BBS9: variants seen among roughly 807,000 people sequenced by gnomAD.
The protein encoded by BBS9 is protein PTHB1.
Under a neutral mutation model 117.7 loss-of-function variants are expected in BBS9, and 89 were observed. The observed-to-expected ratio is 0.76, with a 90% CI of 0.64 to 0.90. BBS9 has a LOEUF of 0.90. BBS9 is among the 40% of genes least tolerant of loss of function. The pLI is 0.00. For synonymous variants in BBS9, 379 were observed against 370.9 expected (o/e 1.02, Z -0.25); for missense variants, 982 against 1,042.2 (o/e 0.94, Z 0.80).
At chr7:33,463,616 C>T (rs1290442027) in intron 19 of BBS9, among the ~76,000 whole-genome samples, 2 of 152,048 alleles carry the variant, frequency 1.3e-5, no homozygotes, top group Non-Finnish European at 2.9e-5. Flanking sequence ...TCAGATTCCT[C>T]TACACTGGAA....
intron 19 of BBS9, among the ~76,000 whole-genome samples, chr7:33,391,344 T>C (rs970843585): frequency 3.9e-5 from 6 of 152,152 alleles, no homozygotes; most frequent in Admixed American, 6.5e-5. Flanking sequence ...GCTACCTGTT[T>C]AGCGTTTTTT....
intron 21 of BBS9, among the ~76,000 whole-genome samples, chr7:33,535,085 T>A (rs1440936875): frequency 6.6e-6 from 1 of 152,182 alleles, no homozygotes; most frequent in Non-Finnish European, 1.5e-5. Flanking sequence ...CAAGTGAAAT[T>A]GTAAAAGATA....
intron 10 of BBS9, 25 bp from the exon 11 acceptor site, chr7:33,340,872 T>A: frequency 6.3e-7 from 1 of 1,597,668 alleles, no homozygotes; most frequent in Non-Finnish European, 8.6e-7. Flanking sequence ...TATGATTAAA[T>A]AATTTTTCTT....
rs539494535 is a variant in BBS9 at position 33,407,851 on chromosome 7, T to A, written c.2115+19707T>A. On this transcript the variant is annotated intron_variant, in intron 19 of 22. Transcript: ENST00000242067. ...AGGTGTCAGTCTGCCCCTACTGGGC[T>A]GTGCCTCCCAGTTAGGCTGCTCGTG... 2.6e-5 allele frequency among the ~76,000 whole-genome samples: 4 copies of A among 152,354 alleles called. No individual in the cohort carries two copies. In the South Asian group the frequency reaches 8.3e-4, roughly 32 times the overall value.
intron 19 of BBS9, among the ~76,000 whole-genome samples, chr7:33,405,877 CT>C (rs1162139077): frequency 1.3e-5 from 2 of 151,950 alleles, no homozygotes; most frequent in Non-Finnish European, 2.9e-5. Flanking sequence ...TATTTCTTGC[CT>C]TCTGCTAGCT....
At chr7:33,130,602 A>G (rs1789441303) in intron 1 of BBS9, among the ~76,000 whole-genome samples, 1 of 152,198 alleles carries the variant, frequency 6.6e-6, no homozygotes, top group African/African-American at 2.4e-5. Context: ...TCATTGATAA[A>G]CAACTTGAAA....
At chr7:33,354,551 T>C (rs1271147266) in intron 15 of BBS9, among the ~76,000 whole-genome samples, 2 of 152,120 alleles carry the variant, frequency 1.3e-5, no homozygotes, top group Non-Finnish European at 2.9e-5. Flanking sequence ...GGTTCCTTGT[T>C]TTCAATATGA....
chr7:33,537,134 A>C (rs1585171062), intron 21 of BBS9, among the ~76,000 whole-genome samples: 2 of 152,196 alleles, frequency 1.3e-5, no homozygotes, highest in Non-Finnish European at 2.9e-5. Context: ...GGTGAAGTGA[A>C]TAAGTGTTCA....
chr7:33,611,857 A>G (rs1425113487), intron 21 of BBS9, among the ~76,000 whole-genome samples: 2 of 143,118 alleles, frequency 1.4e-5, no homozygotes, highest in African/African-American at 2.6e-5. Flanking sequence ...ATAATAATAT[A>G]TAAAGGAATA....
intron 1 of BBS9, among the ~76,000 whole-genome samples, chr7:33,142,078 C>T (rs982276296): frequency 7.9e-5 from 12 of 151,942 alleles, no homozygotes; most frequent in Non-Finnish European, 1.6e-4. Context: ...TGGGACTACC[C>T]GCCCGGCTAA....
At chr7:33,327,850 T>A (rs1443300570) in intron 9 of BBS9, among the ~76,000 whole-genome samples, 1 of 151,588 alleles carries the variant, frequency 6.6e-6, no homozygotes, top group Non-Finnish European at 1.5e-5. Flanking sequence ...GGAGGGGGAG[T>A]CAAGGATGGC....
chr7:33,360,762 T>C (rs1309581279), intron 16 of BBS9, among the ~76,000 whole-genome samples: 5 of 152,066 alleles, frequency 3.3e-5, no homozygotes, highest in Admixed American at 2.6e-4. Flanking sequence ...TAGGCTCAAG[T>C]GGTCTTCCCA....
chr7:33,486,069 G>A (rs1032316076), intron 19 of BBS9, among the ~76,000 whole-genome samples: 3 of 152,252 alleles, frequency 2.0e-5, no homozygotes, highest in Admixed American at 6.5e-5. Context: ...TAGAAAAACC[G>A]AAGCAGCCTC....
intron 21 of BBS9, among the ~76,000 whole-genome samples, chr7:33,619,532 C>G (rs555158275): frequency 2.0e-5 from 3 of 152,168 alleles, no homozygotes; most frequent in Non-Finnish European, 4.4e-5. Flanking sequence ...GTATAACATT[C>G]CATTCAACAG....
At chr7:33,170,299 T>G (rs1468741865) in intron 4 of BBS9, among the ~76,000 whole-genome samples, 1 of 147,316 alleles carries the variant, frequency 6.8e-6, no homozygotes, top group Non-Finnish European at 1.5e-5. Flanking sequence ...TGGTTCAATA[T>G]ATGCAAATCA....
intron 5 of BBS9, among the ~76,000 whole-genome samples, chr7:33,230,608 G>A (rs73307386): frequency 0.11 from 17,142 of 152,102 alleles, 1,135 homozygotes; most frequent in African/African-American, 0.18. Flanking sequence ...AATGTCTAGT[G>A]TACCACTCTG....
chr7:33,263,897 C>G (rs985537401), intron 6 of BBS9, among the ~76,000 whole-genome samples: 1 of 152,032 alleles, frequency 6.6e-6, no homozygotes, highest in African/African-American at 2.4e-5. Flanking sequence ...CTTTTTGGTT[C>G]CATAGATTAT....
chr7:33,398,858 G>A (rs1202772764), intron 19 of BBS9, among the ~76,000 whole-genome samples: 1 of 152,082 alleles, frequency 6.6e-6, no homozygotes, highest in African/African-American at 2.4e-5. Flanking sequence ...GCTAATCTTT[G>A]TATCTTTAGT....
At position 33,319,117 on chromosome 7, in the gene BBS9, C is replaced by T. The variant is rs988842446; in HGVS notation, c.1017-17324C>T. Among the ~76,000 whole-genome samples, 9 of 151,190 alleles carry T rather than the reference C, an allele frequency of 6.0e-5. No homozygotes were observed. The East Asian group carries it at 1.6e-3, about 26-fold the overall frequency. On this transcript the variant is annotated intron_variant, in intron 9 of 22. Coordinates refer to ENST00000242067, the MANE Select transcript of BBS9 (RefSeq NM_198428.3). The stretch of plus-strand genomic sequence containing the variant: ...GGCAGAGGTTGCAGTGAGCCAAGAT[C>T]GCGCCACTGCCCTCCAGCCTGGGTG...
Sources: allele counts gnomAD v4.1 joint callset (sites outside exome capture counted in the v4.1 genomes callset), GRCh38; gene constraint gnomAD v4.1.1; transcripts MANE v1.5; gene names NCBI Gene and HGNC (gene_info 2026-07-23, HGNC 2026-07-21).